The following ACOT7 variants were observed in gnomAD, a reference collection of about 807,000 sequenced individuals.
ACOT7 encodes the protein cytosolic acyl coenzyme A thioester hydrolase.
Under a neutral mutation model 40.2 loss-of-function variants are expected in ACOT7, and 12 were observed. That is an observed-to-expected ratio of 0.30 (90% CI 0.19 to 0.48). ACOT7 has a LOEUF of 0.48. Among genes scored for constraint, ACOT7 ranks in the 20% least tolerant of loss-of-function variants. ACOT7 has a pLI of 0.99. For missense variants in ACOT7, 395 were observed against 530.8 expected, an observed-to-expected ratio of 0.74 and a Z score of 2.51; for synonymous variants, 228 against 219.5, an observed-to-expected ratio of 1.04 and a Z score of -0.34.
Position 6,367,214 on chromosome 1 carries a change from A to G in ACOT7, c.144-17348T>C, listed in dbSNP as rs866577890. 7.7e-3 allele frequency among the ~76,000 whole-genome samples: 1,171 copies of G among 151,946 alleles called. 19 individuals carry two copies. Among genetic ancestry groups the G allele is most frequent in the African/African-American group, 0.026 (1,073 of 41,462 alleles). ...ACTCCATTTCAAAAAAAAAAAAAAAAGTGGAGTCAGTCCTCTTAAAACCTA... is the reference window on the plus strand; with the variant it reads ...ACTCCATTTCAAAAAAAAAAAAAAAGGTGGAGTCAGTCCTCTTAAAACCTA... On this transcript the variant is annotated intron_variant, in intron 1 of 8. Coordinates refer to ENST00000361521, the MANE Select transcript of ACOT7 (RefSeq NM_007274.4).
chr1:6,375,408 C>T (rs939229639), intron 1 of ACOT7, among the ~76,000 whole-genome samples: 5 of 152,040 alleles, frequency 3.3e-5, no homozygotes, highest in African/African-American at 7.2e-5. Context: ...TGACTCATGC[C>T]TATAATCCCA....
chr1:6,351,708 C>T (rs1465467527), intron 1 of ACOT7, among the ~76,000 whole-genome samples: 1 of 152,212 alleles, frequency 6.6e-6, no homozygotes, highest in Admixed American at 6.5e-5. Flanking sequence ...TCCAGAGCAG[C>T]CTGAATGACT....
At chr1:6,367,263 T>C (rs532566331) in intron 1 of ACOT7, among the ~76,000 whole-genome samples, 1 of 152,326 alleles carries the variant, frequency 6.6e-6, no homozygotes, top group Non-Finnish European at 1.5e-5. Context: ...ACTAAGTTTA[T>C]GGAATATTCT....
intron 1 of ACOT7, among the ~76,000 whole-genome samples, chr1:6,356,647 A>T (rs1385099709): frequency 6.6e-6 from 1 of 152,162 alleles, no homozygotes; most frequent in African/African-American, 2.4e-5. Flanking sequence ...GGCCAAGCGC[A>T]GTGGCTCACA....
rs1216674063 is a variant in ACOT7, at chr1:6,304,390, GTTCT to G, written c.713-9414_713-9411del. 4.2e-3 allele frequency among the ~76,000 whole-genome samples: 576 copies of G among 136,648 alleles called. 2 individuals carry two copies. Among genetic ancestry groups the G allele is most frequent in the African/African-American group, 0.016 (552 of 35,340 alleles). The allele number at this position is 136,648 out of a possible 152,430, so 89.6% of individuals were successfully genotyped here. On this transcript the variant is annotated intron_variant, in intron 6 of 8. Coordinates refer to ENST00000361521, the MANE Select transcript of ACOT7 (RefSeq NM_007274.4). ...GACCCGTACACAGGTAGAAAAGTAC[GTTCT>G]TTTTTTTTTTTTTTTTTTAATTGAT...
intron 3 of ACOT7, among the ~76,000 whole-genome samples, chr1:6,337,087 G>A (rs1187977608): frequency 1.3e-5 from 2 of 152,238 alleles, no homozygotes; most frequent in African/African-American, 2.4e-5. Flanking sequence ...GCTGGCAAGC[G>A]TATCCTGCCT....
intron 1 of ACOT7, chr1:6,385,645 G>T: frequency 1.2e-6 from 2 of 1,612,210 alleles, no homozygotes; most frequent in Non-Finnish European, 1.7e-6. Context: ...CAGAGCCGGA[G>T]AGCCCTGGCA....
chr1:6,351,653 G>A (rs1365739191), intron 1 of ACOT7, among the ~76,000 whole-genome samples: 2 of 152,198 alleles, frequency 1.3e-5, no homozygotes, highest in African/African-American at 2.4e-5. Flanking sequence ...CTAGAGCAGT[G>A]AGGAAACATC....
At chr1:6,269,084 C>A (rs935155908) in intron 8 of ACOT7, among the ~76,000 whole-genome samples, 7 of 152,212 alleles carry the variant, frequency 4.6e-5, no homozygotes, top group Non-Finnish European at 7.3e-5. Context: ...TCCCAACAAC[C>A]CCACCAAGCA....
chr1:6,343,191 T>C (rs1484637320), intron 2 of ACOT7, among the ~76,000 whole-genome samples: 1 of 152,192 alleles, frequency 6.6e-6, no homozygotes, highest in Non-Finnish European at 1.5e-5. Context: ...ACAGAGTATG[T>C]GGCAGTCACT....
intron 6 of ACOT7, among the ~76,000 whole-genome samples, chr1:6,305,700 C>G (rs1640127667): frequency 6.6e-6 from 1 of 150,852 alleles, no homozygotes; most frequent in Non-Finnish European, 1.5e-5. Context: ...TCCTCACTTT[C>G]CAGACTGGGC....
At chr1:6,323,307 C>T (rs950898676) in intron 5 of ACOT7, among the ~76,000 whole-genome samples, 5 of 152,142 alleles carry the variant, frequency 3.3e-5, no homozygotes, top group Non-Finnish European at 7.4e-5. Context: ...CCAGTCATTT[C>T]GTGGCCCAGT....
intron 5 of ACOT7, among the ~76,000 whole-genome samples, chr1:6,319,594 G>A (rs1256093446): frequency 6.6e-6 from 1 of 152,230 alleles, no homozygotes; most frequent in Non-Finnish European, 1.5e-5. Flanking sequence ...GCTGTCAGCT[G>A]TCCAGCTTTG....
intron 6 of ACOT7, among the ~76,000 whole-genome samples, chr1:6,303,623 C>G (rs1186073632): frequency 6.6e-6 from 1 of 152,222 alleles, no homozygotes; most frequent in Non-Finnish European, 1.5e-5. Flanking sequence ...TTAATCCCAA[C>G]TGACGGAGCG....
At chr1:6,372,477 T>C (rs1367216480) in intron 1 of ACOT7, among the ~76,000 whole-genome samples, 1 of 152,166 alleles carries the variant, frequency 6.6e-6, no homozygotes, top group Non-Finnish European at 1.5e-5. Flanking sequence ...GCTAACTGTT[T>C]GGCACACGAG....
chr1:6,384,779 C>T (rs1409272759), intron 1 of ACOT7, among the ~76,000 whole-genome samples: 3 of 151,704 alleles, frequency 2.0e-5, no homozygotes, highest in East Asian at 1.9e-4. Flanking sequence ...TACAAAGGTC[C>T]CAAGGGCTTG....
chr1:6,333,320 G>A (rs933567189), intron 4 of ACOT7, among the ~76,000 whole-genome samples, 157 bp downstream of exon 4: 2 of 152,248 alleles, frequency 1.3e-5, no homozygotes, highest in African/African-American at 4.8e-5. Flanking sequence ...GCCCAGCCCA[G>A]AGGGGACACT....
chr1:6,281,470 T>C (rs1223052444), intron 7 of ACOT7, among the ~76,000 whole-genome samples, 184 bp from the exon 8 acceptor site: 1 of 152,248 alleles, frequency 6.6e-6, no homozygotes, highest in Non-Finnish European at 1.5e-5. Flanking sequence ...TGTTTATCTT[T>C]CTAGTGAGCA....
intron 7 of ACOT7, among the ~76,000 whole-genome samples, chr1:6,285,446 G>A (rs1182823813): frequency 6.6e-6 from 1 of 152,252 alleles, no homozygotes; most frequent in Non-Finnish European, 1.5e-5. Context: ...AGAGCCTGGG[G>A]GCAGTCACGT....
Sources: allele counts gnomAD v4.1 joint callset (sites outside exome capture counted in the v4.1 genomes callset), GRCh38; gene constraint gnomAD v4.1.1; transcripts MANE v1.5; gene names NCBI Gene and HGNC (gene_info 2026-07-23, HGNC 2026-07-21).